TXLNB: variants seen among roughly 807,000 people sequenced by gnomAD.
The protein encoded by TXLNB is beta-taxilin.
TXLNB carries 37 observed loss-of-function variants against 57.4 expected under a neutral mutation model. The observed-to-expected ratio is 0.64, with a 90% CI of 0.50 to 0.85. The LOEUF (loss-of-function observed/expected upper bound fraction) is 0.85, where lower values mean the gene tolerates loss of function less well. Ranked by LOEUF, TXLNB falls within the 40% of genes least tolerant of loss-of-function variation. The probability of loss-of-function intolerance (pLI) is 0.00; values close to 1 mark genes in which losing one functional copy is unlikely to be tolerated. For missense variants in TXLNB, 848 were observed against 825.6 expected, an observed-to-expected ratio of 1.03 and a Z score of -0.33; for synonymous variants, 302 against 309.6, an observed-to-expected ratio of 0.98 and a Z score of 0.26.
In TXLNB at chr6:139,262,709, T is replaced by C. The variant is rs996361572; in HGVS notation, c.752A>G (p.Gln251Arg). The change falls in exon 5 of 10, where the codon CAG becomes CGG. Residue 251 changes from glutamine to arginine, a missense_variant. By Grantham distance (43) the Gln-to-Arg change is conservative. Coordinates refer to ENST00000358430, the MANE Select transcript of TXLNB (RefSeq NM_153235.4). ...EKRKEITSHF[Q>R]STLTDIQGQI... ...GCCCTGGATGTCCGTGAGGGTACTCTGGAAATGGCTTGTGATTTCCTTCCT... is the reference window on the plus strand; with the variant it reads ...GCCCTGGATGTCCGTGAGGGTACTCCGGAAATGGCTTGTGATTTCCTTCCT... 1 of 1,614,090 alleles carries C rather than the reference T, an allele frequency of 6.2e-7. No homozygotes were observed. The highest frequency in any genetic ancestry group is 8.5e-7 in the Non-Finnish European group (1 of 1,180,024).
At chr6:139,313,239 A>AT in the TXLNB span, among the ~76,000 whole-genome samples, 1 of 151,882 alleles carries the variant, frequency 6.6e-6, no homozygotes, top group Non-Finnish European at 1.5e-5. Flanking sequence ...TGCCCGGCTA[A>AT]TTTTTTGTAT....
At chr6:139,217,881 A>AAG in the TXLNB span, among the ~76,000 whole-genome samples, 75 of 151,294 alleles carry the variant, frequency 5.0e-4, no homozygotes, top group African/African-American at 1.5e-3. Flanking sequence ...AAAAAAAAAA[A>AAG]AAAAAAGAAA....
chr6:139,218,821 G>C, the TXLNB span, among the ~76,000 whole-genome samples: 1 of 152,248 alleles, frequency 6.6e-6, no homozygotes, highest in African/African-American at 2.4e-5. Flanking sequence ...CATTGAAGAA[G>C]TCATCATGGC....
the TXLNB span, among the ~76,000 whole-genome samples, chr6:139,175,971 C>T: frequency 7.9e-5 from 12 of 152,282 alleles, no homozygotes; most frequent in African/African-American, 2.2e-4. Context: ...AAGTGTTAGA[C>T]GCTACTAATG....
the TXLNB span, among the ~76,000 whole-genome samples, chr6:139,203,360 C>T: frequency 6.6e-6 from 1 of 152,162 alleles, no homozygotes; most frequent in Non-Finnish European, 1.5e-5. Context: ...AGTGCTTCAC[C>T]TACTGCAATC....
At chr6:139,228,793 T>A in the TXLNB span, among the ~76,000 whole-genome samples, 1 of 152,084 alleles carries the variant, frequency 6.6e-6, no homozygotes, top group Non-Finnish European at 1.5e-5. Context: ...AACCCCCAGA[T>A]AACGTATGAA....
the TXLNB span, among the ~76,000 whole-genome samples, chr6:139,161,105 C>A: frequency 6.6e-6 from 1 of 151,874 alleles, no homozygotes; most frequent in African/African-American, 2.4e-5. Context: ...TTGAACCGAG[C>A]CTTGAAGGAA....
Position 139,288,740 on chromosome 6 carries a change from C to CGGGG in TXLNB, c.156_159dup (p.Asp54ProfsTer5), listed in dbSNP as rs1052542854. On this transcript the variant is annotated frameshift_variant, in exon 2 of 10. Transcript: ENST00000358430. LOFTEE classifies it high-confidence loss of function. ...TGTCGATTCAGCTCTTCAGAGATAT[C>CGGGG]GGGGTGCACACTTGCCTCTTTCTCT... is the stretch of plus-strand genomic sequence containing the variant. The CGGGG allele has an allele frequency of 1.2e-6, 2 of 1,614,032 alleles. No individual in the cohort carries two copies. Among genetic ancestry groups the CGGGG allele is most frequent in the African/African-American group, 2.7e-5 (2 of 74,914 alleles).
At chr6:139,243,887 G>C (rs910779506) in intron 9 of TXLNB, among the ~76,000 whole-genome samples, 2 of 151,652 alleles carry the variant, frequency 1.3e-5, no homozygotes, top group African/African-American at 4.8e-5. Context: ...CTGCTCAAAC[G>C]GTTCAGTTTT....
At chr6:139,323,472 CG>C in the TXLNB span, among the ~76,000 whole-genome samples, 14,936 of 151,838 alleles carry the variant, frequency 0.098, 2,370 homozygotes, top group African/African-American at 0.34. Flanking sequence ...TTAGTAGAGA[CG>C]GGGGTTTCAC....
chr6:139,304,961 T>A, the TXLNB span, among the ~76,000 whole-genome samples: 13 of 152,324 alleles, frequency 8.5e-5, no homozygotes, highest in African/African-American at 3.1e-4. Context: ...GTAAATCTTG[T>A]TTTTTAAAGA....
intron 4 of TXLNB, among the ~76,000 whole-genome samples, chr6:139,267,521 G>A (rs988265310): frequency 6.6e-6 from 1 of 152,124 alleles, no homozygotes; most frequent in Non-Finnish European, 1.5e-5. Flanking sequence ...GAGATGAAAT[G>A]TAATTTTTAA....
At chr6:139,257,903 T>G (rs1776386721) in intron 6 of TXLNB, among the ~76,000 whole-genome samples, 2 of 152,142 alleles carry the variant, frequency 1.3e-5, no homozygotes, top group South Asian at 4.1e-4. Context: ...CCTCCCAGGG[T>G]GCAATGAAGA....
the TXLNB span, among the ~76,000 whole-genome samples, chr6:139,309,790 T>C: frequency 1.3e-5 from 2 of 151,916 alleles, no homozygotes; most frequent in Admixed American, 1.3e-4. Context: ...AATTAAAAAA[T>C]ATAAAAGGGC....
chr6:139,260,287 A>G (rs896749058), intron 6 of TXLNB, 31 bp downstream of exon 6: 1 of 1,611,676 alleles, frequency 6.2e-7, no homozygotes, highest in Non-Finnish European at 8.5e-7. Context: ...GAGGTAGACC[A>G]GATATGCACA....
At chr6:139,182,568 G>C in the TXLNB span, among the ~76,000 whole-genome samples, 1,602 of 152,176 alleles carry the variant, frequency 0.011, 28 homozygotes, top group African/African-American at 0.037. Flanking sequence ...TTTAGTAAAG[G>C]GTTAAATTTT....
At chr6:139,288,305 C>T (rs1344720957) in intron 2 of TXLNB, among the ~76,000 whole-genome samples, 171 bp downstream of exon 2, 1 of 152,132 alleles carries the variant, frequency 6.6e-6, no homozygotes, top group Non-Finnish European at 1.5e-5. Flanking sequence ...GAAAAGTTCA[C>T]CTGAGCTCCA....
At chr6:139,256,262 G>A (rs1191524045) in intron 6 of TXLNB, among the ~76,000 whole-genome samples, 1 of 152,102 alleles carries the variant, frequency 6.6e-6, no homozygotes, top group East Asian at 1.9e-4. Flanking sequence ...CAATCATTCA[G>A]CCTCTGCTGG....
intron 3 of TXLNB, 124 bp downstream of exon 3, chr6:139,276,706 C>A: frequency 1.4e-6 from 1 of 716,574 alleles, no homozygotes; most frequent in East Asian, 2.8e-5. Flanking sequence ...AGGGTTAGCG[C>A]ACAGACCTCA....
Sources: gnomAD v4.1 joint callset for allele counts (sites outside exome capture counted in the v4.1 genomes callset) on GRCh38, gnomAD v4.1.1 for gene constraint, MANE v1.5 for transcripts, NCBI Gene and HGNC (gene_info 2026-07-23, HGNC 2026-07-21) for gene names.